The following CLSTN2 variants were observed in gnomAD, a reference collection of about 807,000 sequenced individuals.
CLSTN2 encodes the protein calsyntenin 2.
Under a neutral mutation model 101.2 loss-of-function variants are expected in CLSTN2, and 48 were observed. The observed-to-expected ratio is 0.47, with a 90% CI of 0.38 to 0.60. The LOEUF (loss-of-function observed/expected upper bound fraction) is 0.60. CLSTN2 is among the 20% of genes least tolerant of loss of function. CLSTN2 has a pLI of 0.00. For synonymous variants in CLSTN2, 481 were observed against 463.6 expected, an observed-to-expected ratio of 1.04 and a Z score of -0.48; for missense variants, 1,160 against 1,238.2, an observed-to-expected ratio of 0.94 and a Z score of 0.95.
intron 1 of CLSTN2, among the ~76,000 whole-genome samples, chr3:139,937,974 A>G (rs1413240565): frequency 6.6e-6 from 1 of 151,866 alleles, no homozygotes; most frequent in East Asian, 1.9e-4. Context: ...TTTAGTTAGT[A>G]TTTACAGGAC....
chr3:140,084,427 A>G (rs2008647415), intron 1 of CLSTN2, among the ~76,000 whole-genome samples: 1 of 152,162 alleles, frequency 6.6e-6, no homozygotes, highest in Non-Finnish European at 1.5e-5. Context: ...AAGTCCTTTA[A>G]TATCTGTGTG....
chr3:140,178,806 C>T (rs1408469481), intron 2 of CLSTN2, among the ~76,000 whole-genome samples: 2 of 152,300 alleles, frequency 1.3e-5, no homozygotes, highest in African/African-American at 4.8e-5. Flanking sequence ...CATCACTCCT[C>T]GAAGTCAACT....
chr3:140,275,342 A>G (rs374547572), intron 2 of CLSTN2, among the ~76,000 whole-genome samples: 1 of 151,752 alleles, frequency 6.6e-6, no homozygotes, highest in Non-Finnish European at 1.5e-5. Flanking sequence ...GCACACTCAG[A>G]GCTCACTGCA....
intron 8 of CLSTN2, among the ~76,000 whole-genome samples, chr3:140,473,141 T>A (rs894528451): frequency 6.6e-6 from 1 of 152,122 alleles, no homozygotes; most frequent in African/African-American, 2.4e-5. Flanking sequence ...TTTGAGAGAG[T>A]GCCAGTGTGC....
At chr3:140,279,999 C>T (rs1478054612) in intron 2 of CLSTN2, among the ~76,000 whole-genome samples, 1 of 152,206 alleles carries the variant, frequency 6.6e-6, no homozygotes, top group Non-Finnish European at 1.5e-5. Context: ...CCAGCCAGTC[C>T]ATTTCATCCC....
At position 140,448,513 on chromosome 3, in the gene CLSTN2, G is replaced by A; in HGVS notation, c.788-6G>A. On this transcript the variant is annotated splice_region_variant and splice_polypyrimidine_tract_variant and intron_variant, in intron 5 of 16. Coordinates refer to ENST00000458420, the MANE Select transcript of CLSTN2 (RefSeq NM_022131.3). ...TTCACTTTTCATCCTTTCCTTGTTT[G>A]TTTAGACTGGACCAAGAGGATTGAG... 6.2e-7 allele frequency: 1 copy of A among 1,608,600 alleles called. No homozygotes were observed. The highest frequency in any genetic ancestry group is 8.5e-7 in the Non-Finnish European group (1 of 1,175,658).
intron 1 of CLSTN2, among the ~76,000 whole-genome samples, chr3:140,038,453 G>C (rs2007700826): frequency 6.6e-6 from 1 of 152,076 alleles, no homozygotes; most frequent in Admixed American, 6.6e-5. Flanking sequence ...ACTCTTGTCA[G>C]ATGGACAGAT....
chr3:140,375,495 T>A (rs1216737108), intron 2 of CLSTN2, among the ~76,000 whole-genome samples: 1 of 152,240 alleles, frequency 6.6e-6, no homozygotes, highest in East Asian at 1.9e-4. Flanking sequence ...CTCTGTCTTC[T>A]TTTCCATTTT....
intron 1 of CLSTN2, among the ~76,000 whole-genome samples, chr3:139,977,768 GCTTAGCATAGAA>G (rs1307393508): frequency 6.6e-6 from 1 of 152,206 alleles, no homozygotes; most frequent in African/African-American, 2.4e-5. Flanking sequence ...AAGAGCCACT[GCTTAGCATAGAA>G]CAGACCTGCA....
intron 2 of CLSTN2, among the ~76,000 whole-genome samples, chr3:140,334,781 C>G (rs558871911): frequency 4.1e-4 from 63 of 152,200 alleles, no homozygotes; most frequent in African/African-American, 1.5e-3. Context: ...GGAGTTTGAG[C>G]TGAATGTCAA....
chr3:140,468,032 A>G (rs1208555678), intron 8 of CLSTN2, among the ~76,000 whole-genome samples: 1 of 152,234 alleles, frequency 6.6e-6, no homozygotes, highest in Non-Finnish European at 1.5e-5. Context: ...CCCAGTGGCA[A>G]CTGCCTAATC....
chr3:140,403,507 C>A, intron 2 of CLSTN2, 122 bp from the exon 3 acceptor site: 1 of 832,062 alleles, frequency 1.2e-6, no homozygotes, highest in Non-Finnish European at 2.0e-6. Context: ...TCGTGGACCA[C>A]ACTATGTGCG....
At chr3:140,546,862 A>G (rs1380734436) in intron 10 of CLSTN2, among the ~76,000 whole-genome samples, 181 bp downstream of exon 10, 2 of 152,112 alleles carry the variant, frequency 1.3e-5, no homozygotes, top group African/African-American at 4.8e-5. Flanking sequence ...GACTTCCACA[A>G]TGGGCTTCTG....
At chr3:140,128,770 C>T (rs752611186) in intron 1 of CLSTN2, among the ~76,000 whole-genome samples, 11 of 152,094 alleles carry the variant, frequency 7.2e-5, no homozygotes, top group Non-Finnish European at 1.0e-4. Context: ...AGAGGGCAGG[C>T]GAGAGAGCTC....
intron 1 of CLSTN2, among the ~76,000 whole-genome samples, chr3:139,937,864 C>A (rs1172076200): frequency 6.6e-6 from 1 of 152,062 alleles, no homozygotes; most frequent in Non-Finnish European, 1.5e-5. Flanking sequence ...CTTTCCCCTT[C>A]CAACCACTGG....
At chr3:140,097,423 G>C (rs151021764) in intron 1 of CLSTN2, among the ~76,000 whole-genome samples, 1 of 152,042 alleles carries the variant, frequency 6.6e-6, no homozygotes, top group Non-Finnish European at 1.5e-5. Context: ...TTTTTCTTGC[G>C]ATCACCTTGA....
At chr3:140,279,116 C>A (rs1295709858) in intron 2 of CLSTN2, among the ~76,000 whole-genome samples, 1 of 152,224 alleles carries the variant, frequency 6.6e-6, no homozygotes, top group Non-Finnish European at 1.5e-5. Context: ...TGTCTGGCTT[C>A]TTTCCCTCAA....
chr3:140,097,594 T>A (rs2008890137), intron 1 of CLSTN2, among the ~76,000 whole-genome samples: 1 of 152,188 alleles, frequency 6.6e-6, no homozygotes, highest in South Asian at 2.1e-4. Flanking sequence ...GAAACCATGT[T>A]GTTCCCACTC....
intron 1 of CLSTN2, among the ~76,000 whole-genome samples, chr3:139,942,049 G>T (rs997145760): frequency 6.6e-6 from 1 of 152,166 alleles, no homozygotes; most frequent in Non-Finnish European, 1.5e-5. Flanking sequence ...ACACTGGTAG[G>T]CATGGGTTCC....
Sources: allele counts gnomAD v4.1 joint callset (sites outside exome capture counted in the v4.1 genomes callset), GRCh38; gene constraint gnomAD v4.1.1; transcripts MANE v1.5; gene names NCBI Gene and HGNC (gene_info 2026-07-23, HGNC 2026-07-21).